The following RBFOX1 variants were observed in gnomAD, a reference collection of about 807,000 sequenced individuals.
The protein encoded by RBFOX1 is RNA binding protein fox-1 homolog 1.
RBFOX1 carries 8 observed loss-of-function variants against 57.7 expected under a neutral mutation model. The observed-to-expected ratio is 0.14, with a 90% CI of 0.08 to 0.25. The LOEUF is 0.25. Among genes scored for constraint, RBFOX1 ranks in the 10% least tolerant of loss-of-function variants. The probability of loss-of-function intolerance (pLI) is 1.00; values close to 1 mark genes in which losing one functional copy is unlikely to be tolerated. For synonymous variants in RBFOX1, 326 were observed against 222.4 expected (o/e 1.47, Z -4.15); for missense variants, 611 against 548.5 (o/e 1.11, Z -1.14).
rs961278629 is a variant in RBFOX1 at position 6,512,826 on chromosome 16, C to G, written c.-63-141777C>G. Among the ~76,000 whole-genome samples the G allele has an allele frequency of 3.9e-5, 6 of 152,230 alleles. No homozygotes were observed. The South Asian group carries it at 1.2e-3, about 32-fold the overall frequency. Reference sequence around the variant, plus strand: ...GCCACAGCCAAGCCTAAGCTTTGCTCTAGGTCAAATGATCCAATGCTGGCC... The same window carrying G: ...GCCACAGCCAAGCCTAAGCTTTGCTGTAGGTCAAATGATCCAATGCTGGCC... On this transcript the variant is annotated intron_variant, in intron 2 of 15. Transcript: ENST00000550418.
At chr16:7,267,995 G>A (rs924787292) in intron 4 of RBFOX1, among the ~76,000 whole-genome samples, 2 of 152,196 alleles carry the variant, frequency 1.3e-5, no homozygotes, top group African/African-American at 4.8e-5. Flanking sequence ...GCAAACATCA[G>A]AGTGTACTCA....
chr16:6,213,204 C>T (rs969656412), intron 1 of RBFOX1, among the ~76,000 whole-genome samples: 1 of 151,542 alleles, frequency 6.6e-6, no homozygotes, highest in Non-Finnish European at 1.5e-5. Context: ...TTTTTATGAC[C>T]CAGTGTGTCT....
At chr16:6,525,922 A>G (rs544213235) in intron 2 of RBFOX1, among the ~76,000 whole-genome samples, 1 of 152,110 alleles carries the variant, frequency 6.6e-6, no homozygotes, top group East Asian at 1.9e-4. Context: ...TGTGTCTGCT[A>G]CAAGCAGAGA....
At chr16:6,916,334 C>G (rs891645412) in intron 3 of RBFOX1, among the ~76,000 whole-genome samples, 1 of 151,974 alleles carries the variant, frequency 6.6e-6, no homozygotes, top group African/African-American at 2.4e-5. Context: ...TTGTTTTTAC[C>G]TTTTTGCTAT....
At chr16:7,706,225 G>T (rs979908058) in intron 14 of RBFOX1, among the ~76,000 whole-genome samples, 1 of 152,198 alleles carries the variant, frequency 6.6e-6, no homozygotes. Context: ...CTTGCTTTCA[G>T]TTTGAGCTGA....
At chr16:5,813,800 C>G (rs1335963016) in intron 3 of RBFOX1, among the ~76,000 whole-genome samples, 1 of 152,196 alleles carries the variant, frequency 6.6e-6, no homozygotes, top group Non-Finnish European at 1.5e-5. Flanking sequence ...TGGATCCAGT[C>G]TCACTGGGAA....
intron 4 of RBFOX1, among the ~76,000 whole-genome samples, chr16:7,190,479 A>G (rs9940493): frequency 0.011 from 1,742 of 152,224 alleles, 32 homozygotes; most frequent in African/African-American, 0.04. Flanking sequence ...GTATTTTTAC[A>G]TATCATCCAG....
intron 4 of RBFOX1, among the ~76,000 whole-genome samples, chr16:7,438,014 T>C (rs1280506385): frequency 1.3e-5 from 2 of 152,200 alleles, no homozygotes. Flanking sequence ...GAATAATCCC[T>C]GCATGTCAGT....
chr16:5,615,171 A>G (rs1271427540), intron 3 of RBFOX1, among the ~76,000 whole-genome samples: 1 of 152,122 alleles, frequency 6.6e-6, no homozygotes, highest in Non-Finnish European at 1.5e-5. Context: ...AGTAGCTGGA[A>G]CTACAGGTGC....
At chr16:6,855,451 A>G (rs1006651924) in intron 3 of RBFOX1, among the ~76,000 whole-genome samples, 4 of 152,032 alleles carry the variant, frequency 2.6e-5, no homozygotes, top group South Asian at 4.2e-4. Flanking sequence ...GGAGATCGAG[A>G]CCATCCTGGC....
At chr16:6,126,399 G>A (rs369703543) in intron 1 of RBFOX1, among the ~76,000 whole-genome samples, 13 of 152,272 alleles carry the variant, frequency 8.5e-5, no homozygotes, top group Middle Eastern at 3.4e-3. Flanking sequence ...TATGTGCCAA[G>A]TCTGGTGATT....
At chr16:5,925,383 C>A (rs2152236946) in intron 4 of RBFOX1, among the ~76,000 whole-genome samples, 1 of 152,046 alleles carries the variant, frequency 6.6e-6, no homozygotes, top group Admixed American at 6.5e-5. Context: ...AAATACCATA[C>A]TTAGTAGAAA....
intron 3 of RBFOX1, among the ~76,000 whole-genome samples, chr16:6,968,524 G>A (rs2153563889): frequency 6.6e-6 from 1 of 152,226 alleles, no homozygotes; most frequent in South Asian, 2.1e-4. Flanking sequence ...TTTCCTGAGA[G>A]CAGTCTTAAA....
intron 1 of RBFOX1, among the ~76,000 whole-genome samples, chr16:5,395,584 C>T (rs916776389): frequency 6.6e-5 from 10 of 152,110 alleles, no homozygotes; most frequent in African/African-American, 2.2e-4. Context: ...GTGGTGGAGA[C>T]GTTCAGGTGG....
At chr16:6,657,289 C>T (rs896416950) in intron 3 of RBFOX1, among the ~76,000 whole-genome samples, 1 of 151,978 alleles carries the variant, frequency 6.6e-6, no homozygotes, top group Admixed American at 6.6e-5. Flanking sequence ...GCTATAGTTT[C>T]TCTGTTTCTA....
chr16:7,032,152 C>T (rs770476695), intron 3 of RBFOX1, among the ~76,000 whole-genome samples: 10 of 152,052 alleles, frequency 6.6e-5, no homozygotes, highest in Middle Eastern at 3.4e-3. Flanking sequence ...TGGCGGGGTG[C>T]GGTGGCCCAC....
intron 3 of RBFOX1, among the ~76,000 whole-genome samples, chr16:5,687,449 C>G (rs2050539382): frequency 6.6e-6 from 1 of 152,178 alleles, no homozygotes; most frequent in Non-Finnish European, 1.5e-5. Context: ...GTACATCTCA[C>G]AACTGTTGGG....
chr16:6,443,205 A>C (rs764058655), intron 2 of RBFOX1, among the ~76,000 whole-genome samples: 2 of 152,126 alleles, frequency 1.3e-5, no homozygotes, highest in Admixed American at 6.5e-5. Flanking sequence ...TTCCGGCTGA[A>C]TCTTGGCCAT....
chr16:7,427,421 T>A (rs1484722941), intron 4 of RBFOX1, among the ~76,000 whole-genome samples: 1 of 152,126 alleles, frequency 6.6e-6, no homozygotes, highest in Non-Finnish European at 1.5e-5. Flanking sequence ...TTGGACAGGC[T>A]TGGTTTTGCA....
Sources: gnomAD v4.1 joint callset for allele counts (sites outside exome capture counted in the v4.1 genomes callset) on GRCh38, gnomAD v4.1.1 for gene constraint, MANE v1.5 for transcripts, NCBI Gene and HGNC (gene_info 2026-07-23, HGNC 2026-07-21) for gene names.